CDS2: variants seen among roughly 807,000 people sequenced by gnomAD.
CDS2 encodes phosphatidate cytidylyltransferase 2.
Under a neutral mutation model 59.0 loss-of-function variants are expected in CDS2, and 47 were observed. The ratio of observed to expected loss-of-function variants is 0.80; its 90% CI spans 0.63 to 1.02. The LOEUF is 1.02. Among genes scored for constraint, CDS2 ranks in the 50% least tolerant of loss-of-function variants. CDS2 has a pLI of 0.00. For missense variants in CDS2, 356 were observed against 558.9 expected, an observed-to-expected ratio of 0.64 and a Z score of 3.66; for synonymous variants, 207 against 206.4, an observed-to-expected ratio of 1.00 and a Z score of -0.02.
At position 5,186,539 on chromosome 20, in the gene CDS2, G is replaced by C. The variant is rs774101215; in HGVS notation, c.829-148G>C. ...TTTTTTTTTAATTGAGGTAAAATAT[G>C]TATGGTAAAACATGAACCTCTGAGC... On this transcript the variant is annotated intron_variant, in intron 9 of 12. Transcript: ENST00000460006. 3.3e-5 allele frequency: 18 copies of C among 543,226 alleles called. No homozygotes were observed. The South Asian group carries it at 3.5e-4, about 11-fold the overall frequency. The allele number at this position is 543,226 out of a possible 1,614,324, so 33.7% of individuals were successfully genotyped here.
intron 1 of CDS2, among the ~76,000 whole-genome samples, chr20:5,165,975 G>A (rs987967468): frequency 6.6e-6 from 1 of 152,158 alleles, no homozygotes; most frequent in Admixed American, 6.6e-5. Flanking sequence ...CTGATCTCAA[G>A]GGGCTTGTAT....
intron 8 of CDS2, 112 bp downstream of exon 8, chr20:5,185,057 A>G: frequency 1.3e-6 from 1 of 745,920 alleles, no homozygotes; most frequent in South Asian, 1.6e-5. Context: ...TATTGTGGCC[A>G]TGTCTTCATG....
chr20:5,140,945 C>T (rs2090688527), intron 1 of CDS2, among the ~76,000 whole-genome samples: 1 of 152,106 alleles, frequency 6.6e-6, no homozygotes, highest in Non-Finnish European at 1.5e-5. Flanking sequence ...TTTCTTTTTC[C>T]ATGTCTGTGA....
chr20:5,139,210 C>G (rs2090673436), intron 1 of CDS2, among the ~76,000 whole-genome samples: 1 of 152,064 alleles, frequency 6.6e-6, no homozygotes, highest in East Asian at 1.9e-4. Flanking sequence ...GGTGTGGGAG[C>G]CTGCACCTGT....
chr20:5,137,674 C>T (rs571362057), intron 1 of CDS2, among the ~76,000 whole-genome samples: 12 of 151,786 alleles, frequency 7.9e-5, no homozygotes, highest in Middle Eastern at 3.4e-3. Flanking sequence ...ATTTGCTGGG[C>T]GTGGTGGTGC....
chr20:5,189,612 C>T, intron 11 of CDS2, 123 bp from the exon 12 acceptor site: 1 of 694,826 alleles, frequency 1.4e-6, no homozygotes, highest in Non-Finnish European at 2.5e-6. Flanking sequence ...AGATTTCATA[C>T]TTCTCACCTT....
At chr20:5,127,748 T>G (rs1246926485) in intron 1 of CDS2, among the ~76,000 whole-genome samples, 1 of 151,492 alleles carries the variant, frequency 6.6e-6, no homozygotes, top group East Asian at 1.9e-4. Context: ...CCGTGTGGGC[T>G]CTGGTGGGTA....
chr20:5,141,467 C>T (rs2090693183), intron 1 of CDS2, among the ~76,000 whole-genome samples: 1 of 152,124 alleles, frequency 6.6e-6, no homozygotes, highest in South Asian at 2.1e-4. Context: ...GTGGTGCACC[C>T]CAGCTCCACT....
At chr20:5,179,372 T>C (rs775855115) in intron 5 of CDS2, among the ~76,000 whole-genome samples, 6 of 152,246 alleles carry the variant, frequency 3.9e-5, no homozygotes, top group Non-Finnish European at 8.8e-5. Flanking sequence ...TCCGCCTGCC[T>C]TGGCCTCCCA....
intron 2 of CDS2, 23 bp from the exon 3 acceptor site, chr20:5,175,160 C>G (rs1474277002): frequency 6.3e-7 from 1 of 1,586,260 alleles, no homozygotes; most frequent in Non-Finnish European, 8.7e-7. Context: ...GGTGTTTTCT[C>G]CTTCCCCTGC....
intron 1 of CDS2, among the ~76,000 whole-genome samples, chr20:5,132,462 G>A (rs2090615435): frequency 1.3e-5 from 2 of 152,014 alleles, no homozygotes; most frequent in African/African-American, 2.4e-5. Context: ...AACTGTAGAA[G>A]GACCACTGAA....
chr20:5,185,784 C>G lies in CDS2; in HGVS notation c.786C>G (p.Gly262=). 1 of 1,614,200 alleles carries G rather than the reference C, an allele frequency of 6.2e-7. No homozygotes were observed. Among genetic ancestry groups the G allele is most frequent in the Non-Finnish European group, 8.5e-7 (1 of 1,180,014 alleles). ...IKLSPKKTWE[G]FIGGFFATVV... The stretch of plus-strand genomic sequence containing the variant: ...TGTCCCCGAAGAAGACCTGGGAAGG[C>G]TTCATTGGGGGCTTCTTTGCTACTG... Residue 262 remains glycine, a synonymous_variant, in exon 9 of 13, where the codon GGC becomes GGG. Coordinates refer to ENST00000460006, the MANE Select transcript of CDS2 (RefSeq NM_003818.4).
intron 1 of CDS2, among the ~76,000 whole-genome samples, chr20:5,130,411 A>G (rs1320847128): frequency 6.6e-6 from 1 of 152,258 alleles, no homozygotes; most frequent in Non-Finnish European, 1.5e-5. Context: ...AAGGAAATGC[A>G]TTATGAAACA....
At chr20:5,149,637 A>C (rs1213239096) in intron 1 of CDS2, among the ~76,000 whole-genome samples, 1 of 152,158 alleles carries the variant, frequency 6.6e-6, no homozygotes, top group Non-Finnish European at 1.5e-5. Context: ...CCTGGGTTCA[A>C]GTGATCCTCC....
intron 1 of CDS2, among the ~76,000 whole-genome samples, chr20:5,170,156 T>C (rs994998755): frequency 2.6e-5 from 4 of 152,170 alleles, no homozygotes; most frequent in African/African-American, 9.7e-5. Flanking sequence ...CTGTGTGTCA[T>C]GAGTGTCAGA....
intron 1 of CDS2, among the ~76,000 whole-genome samples, chr20:5,150,916 C>CT (rs999811480): frequency 1.3e-5 from 2 of 152,196 alleles, no homozygotes; most frequent in African/African-American, 4.8e-5. Flanking sequence ...AAGGGCAAAA[C>CT]TATCAGGGGA....
At chr20:5,175,081 A>AG in intron 2 of CDS2, 102 bp from the exon 3 acceptor site, 2 of 842,184 alleles carry the variant, frequency 2.4e-6, no homozygotes, top group Non-Finnish European at 4.1e-6. Context: ...GACTGAGCTC[A>AG]GGGCCCTCAT....
rs754478174 is a variant in CDS2, at chr20:5,182,370, C to T, written c.530-17C>T. ...GAACATAATTCATTTTTCTTTTCTCCTCCCACCTCAAACTAGGATTCTGCA... is the reference window on the plus strand; with the variant it reads ...GAACATAATTCATTTTTCTTTTCTCTTCCCACCTCAAACTAGGATTCTGCA... On this transcript the variant is annotated splice_polypyrimidine_tract_variant and intron_variant, in intron 5 of 12. Coordinates refer to ENST00000460006, the MANE Select transcript of CDS2 (RefSeq NM_003818.4). 46 of 1,601,292 alleles carry T rather than the reference C, an allele frequency of 2.9e-5. No homozygotes were observed. The Admixed American group carries it at 5.7e-4, about 20-fold the overall frequency.
At chr20:5,144,713 T>C (rs1376228871) in intron 1 of CDS2, among the ~76,000 whole-genome samples, 1 of 152,236 alleles carries the variant, frequency 6.6e-6, no homozygotes, top group Non-Finnish European at 1.5e-5. Context: ...TTTTTTCATA[T>C]AAACATTGAA....
Sources: allele counts gnomAD v4.1 joint callset (sites outside exome capture counted in the v4.1 genomes callset), GRCh38; gene constraint gnomAD v4.1.1; transcripts MANE v1.5; gene names NCBI Gene and HGNC (gene_info 2026-07-23, HGNC 2026-07-21).